Variants in RXFP1 observed in about 807,000 individuals in gnomAD.
RXFP1 encodes relaxin receptor 1.
A neutral mutation model predicts 89.8 loss-of-function variants in RXFP1; 73 were observed. The observed-to-expected ratio is 0.81, with a 90% CI of 0.67 to 0.99. The LOEUF (loss-of-function observed/expected upper bound fraction) is 0.99. Ranked by LOEUF, RXFP1 falls within the 50% of genes least tolerant of loss-of-function variation. RXFP1 has a pLI of 0.00. For synonymous variants in RXFP1, 277 were observed against 305.5 expected, an observed-to-expected ratio of 0.91 and a Z score of 0.97; for missense variants, 793 against 895.5, an observed-to-expected ratio of 0.89 and a Z score of 1.46.
intron 12 of RXFP1, among the ~76,000 whole-genome samples, chr4:158,635,849 T>C (rs1230440398): frequency 7.9e-6 from 1 of 125,854 alleles, no homozygotes; most frequent in Admixed American, 7.3e-5. Flanking sequence ...TTATTTCCTC[T>C]TTTTTTTTAA....
At chr4:158,558,438 A>G (rs1027337603) in intron 1 of RXFP1, among the ~76,000 whole-genome samples, 3 of 152,228 alleles carry the variant, frequency 2.0e-5, no homozygotes, top group African/African-American at 4.8e-5. Context: ...GAATTGAGCA[A>G]TGGGTAGAGT....
intron 1 of RXFP1, among the ~76,000 whole-genome samples, chr4:158,568,417 T>G (rs899450613): frequency 3.3e-5 from 5 of 152,252 alleles, no homozygotes; most frequent in African/African-American, 1.2e-4. Flanking sequence ...CAGGCAGGTA[T>G]GGCCAGTTAA....
At chr4:158,611,548 A>G (rs546238636) in intron 6 of RXFP1, among the ~76,000 whole-genome samples, 1 of 152,276 alleles carries the variant, frequency 6.6e-6, no homozygotes, top group East Asian at 1.9e-4. Flanking sequence ...TCAGACTCTC[A>G]TACCTCTTGC....
At chr4:158,650,304 G>A (rs1772415154) in intron 17 of RXFP1, among the ~76,000 whole-genome samples, 2 of 151,820 alleles carry the variant, frequency 1.3e-5, no homozygotes, top group African/African-American at 4.8e-5. Flanking sequence ...ATGGATGGTG[G>A]TTATGGTACA....
intron 2 of RXFP1, among the ~76,000 whole-genome samples, chr4:158,578,310 A>G (rs1034369240): frequency 1.8e-4 from 28 of 152,100 alleles, no homozygotes; most frequent in African/African-American, 6.8e-4. Flanking sequence ...CATAAGGACC[A>G]AAAAAATTTT....
At chr4:158,585,535 A>G (rs1436742911) in intron 2 of RXFP1, among the ~76,000 whole-genome samples, 1 of 152,126 alleles carries the variant, frequency 6.6e-6, no homozygotes, top group African/African-American at 2.4e-5. Context: ...TTTTCCATAA[A>G]ACTAAATTAT....
intron 5 of RXFP1, among the ~76,000 whole-genome samples, chr4:158,606,279 C>G (rs1220321995): frequency 6.6e-6 from 1 of 152,154 alleles, no homozygotes; most frequent in Non-Finnish European, 1.5e-5. Context: ...AATGCAGTGG[C>G]TTAGCATTTT....
intron 8 of RXFP1, among the ~76,000 whole-genome samples, chr4:158,615,216 A>G (rs1764322937): frequency 6.6e-6 from 1 of 152,168 alleles, no homozygotes; most frequent in Non-Finnish European, 1.5e-5. Context: ...TGGAGTAGTC[A>G]GAACACACAC....
chr4:158,577,568 AAG>A (rs1286971395), intron 2 of RXFP1, among the ~76,000 whole-genome samples: 2 of 152,168 alleles, frequency 1.3e-5, no homozygotes, highest in African/African-American at 2.4e-5. Flanking sequence ...CTTTTAATGA[AAG>A]AGTTTTTTCT....
intron 4 of RXFP1, among the ~76,000 whole-genome samples, chr4:158,600,829 A>AC (rs202114908): frequency 0.26 from 39,825 of 151,660 alleles, 8,714 homozygotes; most frequent in African/African-American, 0.6. Flanking sequence ...CCTGCCTCAA[A>AC]AAAAAAAAAG....
rs77235993 is a variant in RXFP1 at position 158,568,065 on chromosome 4, C to G, written c.50-4633C>G. On this transcript the variant is annotated intron_variant, in intron 1 of 17. Transcript: ENST00000307765. Reference sequence around the variant, plus strand: ...ACCCACTGGGAGGAATGAACAACTCCGAACACACTGCCTTTATGAGCTGTA... The same window carrying G: ...ACCCACTGGGAGGAATGAACAACTCGGAACACACTGCCTTTATGAGCTGTA... Among the ~76,000 whole-genome samples the G allele has an allele frequency of 3.3e-5, 5 of 152,236 alleles. No homozygotes were observed. In the South Asian group the frequency reaches 1.0e-3, roughly 32 times the overall value.
intron 2 of RXFP1, among the ~76,000 whole-genome samples, chr4:158,590,672 CTAA>C (rs1244963329): frequency 3.9e-5 from 6 of 152,100 alleles, no homozygotes; most frequent in African/African-American, 1.4e-4. Flanking sequence ...GTCCCAAGTT[CTAA>C]TAATAACATG....
At chr4:158,544,595 C>T (rs1272901047) in intron 1 of RXFP1, among the ~76,000 whole-genome samples, 2 of 151,966 alleles carry the variant, frequency 1.3e-5, no homozygotes, top group East Asian at 1.9e-4. Context: ...CTATCCCTCC[C>T]CCTACCCCTA....
At chr4:158,567,057 CA>C (rs1753730333) in intron 1 of RXFP1, among the ~76,000 whole-genome samples, 2 of 152,304 alleles carry the variant, frequency 1.3e-5, no homozygotes, top group South Asian at 2.1e-4. Flanking sequence ...GCCCGCCAGT[CA>C]GGGGTAGTGA....
chr4:158,592,402 C>T (rs748031621), intron 2 of RXFP1, among the ~76,000 whole-genome samples: 15 of 151,868 alleles, frequency 9.9e-5, no homozygotes, highest in Non-Finnish European at 1.8e-4. Flanking sequence ...GGTGAAACCC[C>T]GTCTCTACTA....
intron 5 of RXFP1, chr4:158,606,949 C>G: frequency 1.2e-6 from 1 of 867,690 alleles, no homozygotes; most frequent in Non-Finnish European, 1.8e-6. Context: ...AAATAGGGTA[C>G]TTTTCAGTCA....
At chr4:158,644,800 C>T in intron 14 of RXFP1, 109 bp from the exon 15 acceptor site, 1 of 742,170 alleles carries the variant, frequency 1.3e-6, no homozygotes, top group African/African-American at 1.8e-5. Flanking sequence ...CTCTCAATTT[C>T]ATCTTAAGAC....
intron 1 of RXFP1, among the ~76,000 whole-genome samples, chr4:158,551,811 T>C (rs1001203753): frequency 3.3e-5 from 5 of 152,004 alleles, no homozygotes; most frequent in African/African-American, 1.2e-4. Context: ...TATGGTGGCA[T>C]GTGCCTGTAG....
chr4:158,531,920 TTTGTTTGTTTG>T (rs1560952676), intron 1 of RXFP1, among the ~76,000 whole-genome samples: 17 of 134,946 alleles, frequency 1.3e-4, no homozygotes, highest in Admixed American at 2.9e-4. Flanking sequence ...GTTTGGGTAT[TTTGTTTGTTTG>T]TTTGTTTGTT....
Sources: gnomAD v4.1 joint callset for allele counts (sites outside exome capture counted in the v4.1 genomes callset) on GRCh38, gnomAD v4.1.1 for gene constraint, MANE v1.5 for transcripts, NCBI Gene and HGNC (gene_info 2026-07-23, HGNC 2026-07-21) for gene names.